The following FKTN variants were observed in gnomAD, a reference collection of about 807,000 sequenced individuals.
The protein encoded by FKTN is fukutin, also known as ribitol-5-phosphate transferase FKTN.
A neutral mutation model predicts 58.6 loss-of-function variants in FKTN; 47 were observed. The observed-to-expected ratio is 0.80, with a 90% CI of 0.63 to 1.02. The LOEUF (loss-of-function observed/expected upper bound fraction) is 1.02. Ranked by LOEUF, FKTN falls within the 50% of genes least tolerant of loss-of-function variation. The probability of loss-of-function intolerance (pLI) is 0.00; values close to 1 mark genes in which losing one functional copy is unlikely to be tolerated. For missense variants in FKTN, 516 were observed against 537.3 expected (o/e 0.96, Z 0.39); for synonymous variants, 178 against 191.9 (o/e 0.93, Z 0.60).
chr9:105,562,096 T>G (rs1838402780), intron 1 of FKTN, among the ~76,000 whole-genome samples: 1 of 152,240 alleles, frequency 6.6e-6, no homozygotes, highest in Admixed American at 6.5e-5. Context: ...TATTTGAATG[T>G]CAGTTCTGTT....
intron 4 of FKTN, 39 bp downstream of exon 4, chr9:105,596,696 T>C: frequency 7.8e-7 from 1 of 1,287,514 alleles, no homozygotes; most frequent in Non-Finnish European, 1.1e-6. Context: ...ATTATAATGT[T>C]CATTTAGTTC....
intron 1 of FKTN, among the ~76,000 whole-genome samples, chr9:105,561,098 AAAAAC>A (rs1392905418): frequency 1.3e-5 from 2 of 152,036 alleles, no homozygotes; most frequent in Non-Finnish European, 2.9e-5. Flanking sequence ...AAACAAAAAA[AAAAAC>A]AAAACAAAAA....
At chr9:105,599,941 CTTG>C (rs1238514355) in intron 4 of FKTN, among the ~76,000 whole-genome samples, 5 of 150,552 alleles carry the variant, frequency 3.3e-5, no homozygotes, top group Admixed American at 2.0e-4. Flanking sequence ...GAAGTTTTTC[CTTG>C]TTGTTTTGAG....
At chr9:105,567,728 A>G (rs1056030957) in intron 1 of FKTN, among the ~76,000 whole-genome samples, 18 of 152,262 alleles carry the variant, frequency 1.2e-4, no homozygotes, top group Non-Finnish European at 2.6e-4. Context: ...AAGGTAATTT[A>G]TAGATTCAGT....
chr9:105,558,678 A>G (rs1457484617), intron 1 of FKTN, among the ~76,000 whole-genome samples: 2 of 151,800 alleles, frequency 1.3e-5, no homozygotes, highest in East Asian at 3.9e-4. Flanking sequence ...CAGATTCTTT[A>G]TGCTTTTGAA....
intron 3 of FKTN, among the ~76,000 whole-genome samples, chr9:105,578,989 T>C (rs541100840): frequency 2.4e-4 from 37 of 152,000 alleles, no homozygotes; most frequent in African/African-American, 8.7e-4. Flanking sequence ...GTAGTTTGTA[T>C]TTCAGTGGGA....
intron 3 of FKTN, among the ~76,000 whole-genome samples, chr9:105,582,405 A>G (rs547409424): frequency 6.6e-6 from 1 of 152,304 alleles, no homozygotes; most frequent in Admixed American, 6.5e-5. Context: ...TGTGTTGCCC[A>G]GGCTGGTCTT....
intron 10 of FKTN, 112 bp from the exon 11 acceptor site, chr9:105,634,939 A>G: frequency 1.2e-6 from 1 of 863,022 alleles, no homozygotes. Context: ...CTCTCTTCCC[A>G]AAGCTGTGTA....
At chr9:105,575,614 A>G (rs1329783348) in intron 3 of FKTN, among the ~76,000 whole-genome samples, 1 of 152,170 alleles carries the variant, frequency 6.6e-6, no homozygotes, top group African/African-American at 2.4e-5. Flanking sequence ...GGAATTCCAA[A>G]GTTGAGATGG....
chr9:105,573,378 C>T (rs748812824), intron 1 of FKTN, among the ~76,000 whole-genome samples: 15 of 152,154 alleles, frequency 9.9e-5, no homozygotes, highest in Non-Finnish European at 1.9e-4. Context: ...AATTCCAGCA[C>T]TTTGGGAGGC....
Position 105,620,060 on chromosome 9 carries a change from A to C in FKTN, c.1171A>C (p.Lys391Gln). 5.0e-6 allele frequency: 8 copies of C among 1,609,814 alleles called. No individual in the cohort carries two copies. The highest frequency in any genetic ancestry group is 5.9e-6 in the Non-Finnish European group (7 of 1,176,520). ...GTQAKTGKKFKYLFPKFTLCW... is the reference protein window; with the variant it reads ...GTQAKTGKKFQYLFPKFTLCW... The stretch of plus-strand genomic sequence containing the variant: ...TCAGGCCAAAACAGGAAAAAAATTC[A>C]AGTATGAATCAAATAAGTACTTATT... Residue 391 changes from lysine (K) to glutamine (Q), a missense_variant and splice_region_variant, in exon 10 of 11, where the codon AAA (lysine) becomes CAA (glutamine). Transcript: ENST00000357998.
chr9:105,597,541 T>G (rs1245796642), intron 4 of FKTN, among the ~76,000 whole-genome samples: 1 of 152,178 alleles, frequency 6.6e-6, no homozygotes, highest in African/African-American at 2.4e-5. Context: ...CATGATATAC[T>G]TGGAAGTTAT....
At chr9:105,579,057 T>G (rs1259029497) in intron 3 of FKTN, among the ~76,000 whole-genome samples, 3 of 151,972 alleles carry the variant, frequency 2.0e-5, no homozygotes, top group Admixed American at 6.6e-5. Flanking sequence ...CTTCTCTCTT[T>G]TCTTCTTTAT....
chr9:105,637,818 A>T lies in FKTN; in HGVS notation c.*2554A>T. 1.0e-6 allele frequency: 1 copy of T among 985,374 alleles called. No homozygotes were observed. Among genetic ancestry groups the T allele is most frequent in the Non-Finnish European group, 1.2e-6 (1 of 829,916 alleles). 61.0% of individuals were successfully genotyped at this position (985,374 alleles called of 1,614,324 possible). ...GTCACCCAGTCCTCTCTAAGCAGGG[A>T]GCACTTGTCCTTCTCTCCTCTGCTG... On this transcript the variant is annotated 3_prime_UTR_variant, in exon 11 of 11. Coordinates refer to ENST00000357998, the MANE Select transcript of FKTN (RefSeq NM_001079802.2).
chr9:105,563,914 A>C (rs1838838412), intron 1 of FKTN, among the ~76,000 whole-genome samples: 1 of 152,208 alleles, frequency 6.6e-6, no homozygotes, highest in Non-Finnish European at 1.5e-5. Context: ...GTAGGGGCAG[A>C]CTGACACCTC....
rs539555949 is a variant in FKTN, at chr9:105,595,718, G to A, written c.106-880G>A. On this transcript the variant is annotated intron_variant, in intron 3 of 10. Transcript: ENST00000357998. ...CTACTGGTTATACAAAGATGGATTG[G>A]ACTTTGTCCCTCCCCTTGAATGTGA... Among the ~76,000 whole-genome samples, 5 of 152,238 alleles carry A rather than the reference G, an allele frequency of 3.3e-5. No homozygotes were observed. In the East Asian group the frequency reaches 5.8e-4, roughly 18 times the overall value.
At chr9:105,600,903 A>G (rs746572017) in intron 4 of FKTN, 2 of 408,534 alleles carry the variant, frequency 4.9e-6, no homozygotes, top group Non-Finnish European at 4.5e-6. Flanking sequence ...TATGTTGTAT[A>G]TGTTTTTCTT....
intron 10 of FKTN, among the ~76,000 whole-genome samples, chr9:105,625,282 C>A (rs1832610228): frequency 6.6e-6 from 1 of 152,150 alleles, no homozygotes; most frequent in South Asian, 2.1e-4. Flanking sequence ...TGAGTCAGCA[C>A]AATTTGAATG....
At chr9:105,621,575 T>C (rs1390219299) in intron 10 of FKTN, among the ~76,000 whole-genome samples, 1 of 152,082 alleles carries the variant, frequency 6.6e-6, no homozygotes, top group Non-Finnish European at 1.5e-5. Flanking sequence ...TTTACAGAGA[T>C]AACCATGATT....
Sources: gnomAD v4.1 joint callset for allele counts (sites outside exome capture counted in the v4.1 genomes callset) on GRCh38, gnomAD v4.1.1 for gene constraint, MANE v1.5 for transcripts, NCBI Gene and HGNC (gene_info 2026-07-23, HGNC 2026-07-21) for gene names.